ADAMTS14: variants seen among roughly 807,000 people sequenced by gnomAD.
The protein encoded by ADAMTS14 is ADAM metallopeptidase with thrombospondin type 1 motif 14, also known as A disintegrin and metalloproteinase with thrombospondin motifs 14.
In ADAMTS14, 100 loss-of-function variants were observed where a neutral mutation model predicts 128.6. The ratio of observed to expected loss-of-function variants is 0.78; its 90% CI spans 0.66 to 0.92. The LOEUF is 0.92. Among genes scored for constraint, ADAMTS14 ranks in the 40% least tolerant of loss-of-function variants. The pLI is 0.00. For missense variants in ADAMTS14, 1,562 were observed against 1,658.6 expected, an observed-to-expected ratio of 0.94 and a Z score of 1.01; for synonymous variants, 665 against 653.8, an observed-to-expected ratio of 1.02 and a Z score of -0.26.
intron 7 of ADAMTS14, among the ~76,000 whole-genome samples, chr10:70,733,582 G>A (rs1841716985): frequency 1.3e-5 from 2 of 152,256 alleles, no homozygotes; most frequent in Admixed American, 6.5e-5. Context: ...GTGGCCGAGT[G>A]GGGCTTGATC....
chr10:70,744,087 G>A lies in ADAMTS14; in HGVS notation c.2080G>A (p.Val694Met). The A allele has an allele frequency of 6.4e-7, 1 of 1,565,064 alleles. No individual in the cohort carries two copies. The highest frequency in any genetic ancestry group is 8.7e-7 in the Non-Finnish European group (1 of 1,154,890). ...TCAGCCTGTCGGCTGTGACAAGGAG[G>A]TGGGGTCCATGAAGGCGGATGACAA... is the stretch of plus-strand genomic sequence containing the variant. ...ECVPVGCDKE[V>M]GSMKADDKCG... Residue 694 changes from valine to methionine, a missense_variant, in exon 14 of 22, where the codon GTG (valine) becomes ATG (methionine). Transcript: ENST00000373207.
In ADAMTS14 at chr10:70,760,750, G is replaced by C; in HGVS notation, c.3569G>C (p.Gly1190Ala). The change falls in exon 22 of 22, where the codon GGC (glycine) becomes GCC (alanine). Residue 1190 changes from glycine (G) to alanine (A), a missense_variant. Physicochemically the swap from Gly to Ala is moderately conservative, Grantham distance 60 (BLOSUM62 0). Coordinates refer to ENST00000373207, the MANE Select transcript of ADAMTS14 (RefSeq NM_080722.4). The stretch of plus-strand genomic sequence containing the variant: ...ACCACCCCCGGGGGGCTGCCTTGGG[G>C]CTGGACTCAGACACCTACGCCAGTC... ...SPTTPGGLPW[G>A]WTQTPTPVPE... 6.2e-7 allele frequency: 1 copy of C among 1,613,918 alleles called. No individual in the cohort carries two copies.
At chr10:70,681,258 C>T (rs1423178713) in intron 2 of ADAMTS14, among the ~76,000 whole-genome samples, 1 of 152,132 alleles carries the variant, frequency 6.6e-6, no homozygotes, top group Non-Finnish European at 1.5e-5. Flanking sequence ...AGGAGGGGTG[C>T]TCAGGGAAGG....
intron 4 of ADAMTS14, among the ~76,000 whole-genome samples, chr10:70,727,834 G>A (rs1841493101): frequency 6.6e-6 from 1 of 152,142 alleles, no homozygotes; most frequent in Admixed American, 6.5e-5. Context: ...GGTGGCTCAC[G>A]CCTGTAATCC....
intron 15 of ADAMTS14, among the ~76,000 whole-genome samples, chr10:70,748,971 C>G (rs992801703): frequency 6.6e-6 from 1 of 152,196 alleles, no homozygotes; most frequent in Non-Finnish European, 1.5e-5. Flanking sequence ...ACCTGCCTCC[C>G]GGGGTCTTTT....
At chr10:70,755,964 C>T (rs149728410) in intron 19 of ADAMTS14, among the ~76,000 whole-genome samples, 191 of 152,270 alleles carry the variant, frequency 1.3e-3, no homozygotes, top group African/African-American at 4.3e-3. Context: ...AACATTAGGA[C>T]GTATCTCAAA....
chr10:70,734,147 C>T, intron 8 of ADAMTS14, 119 bp downstream of exon 8: 1 of 1,331,970 alleles, frequency 7.5e-7, no homozygotes, highest in South Asian at 1.4e-5. Context: ...TTCCGTGACT[C>T]ATCTCGCCTC....
At chr10:70,745,116 C>T (rs1842135812) in intron 14 of ADAMTS14, 110 bp from the exon 15 acceptor site, 3 of 960,940 alleles carry the variant, frequency 3.1e-6, no homozygotes, top group Non-Finnish European at 4.7e-6. Context: ...CAGAGAGGTT[C>T]TGTGATCAAA....
chr10:70,760,315 C>T (rs1199007795), intron 21 of ADAMTS14, 45 bp from the exon 22 acceptor site: 1 of 1,505,628 alleles, frequency 6.6e-7, no homozygotes, highest in Non-Finnish European at 8.8e-7. Flanking sequence ...GACTGACAGG[C>T]ATCCCCACGT....
intron 16 of ADAMTS14, among the ~76,000 whole-genome samples, chr10:70,751,086 C>CAT (rs1842334681): frequency 6.6e-6 from 1 of 152,166 alleles, no homozygotes; most frequent in Non-Finnish European, 1.5e-5. Flanking sequence ...ACTTGCAAGT[C>CAT]ATATATTTGA....
Position 70,730,236 on chromosome 10 carries a change from C to T in ADAMTS14, c.1089C>T (p.Asp363=). ...ACGTTGTGTTCCTCACCCGGCAGGA[C>T]TTTGGGCCCTCAGGTATGCAAGGTA... The part of the protein sequence containing the change: ...HDHVVFLTRQ[D]FGPSGYAPVT... The change falls in exon 6 of 22, where the codon GAC becomes GAT. Residue 363 remains aspartate, a synonymous_variant. Coordinates refer to ENST00000373207, the MANE Select transcript of ADAMTS14 (RefSeq NM_080722.4). The T allele has an allele frequency of 6.2e-7, 1 of 1,614,006 alleles. No homozygotes were observed. The highest frequency in any genetic ancestry group is 1.7e-4 in the Middle Eastern group (1 of 6,056).
intron 2 of ADAMTS14, among the ~76,000 whole-genome samples, chr10:70,677,158 C>T (rs1177831492): frequency 6.6e-6 from 1 of 152,170 alleles, no homozygotes; most frequent in African/African-American, 2.4e-5. Flanking sequence ...CCCTGAAGGA[C>T]CCTGAGCTAG....
chr10:70,751,528 C>T lies in ADAMTS14; in HGVS notation c.2478C>T (p.Tyr826=), dbSNP rs764735335. ...CCCGCAGCAGCCTGGCCTACAAGTA[C>T]GTCATCCATGAGGACCTGCTGCCCC... ...GGPRSSLAYK[Y]VIHEDLLPLI... Residue 826 remains tyrosine, a synonymous_variant, in exon 17 of 22, where the codon TAC becomes TAT. Transcript: ENST00000373207. The T allele has an allele frequency of 6.9e-5, 111 of 1,613,216 alleles. No homozygotes were observed. The highest frequency in any genetic ancestry group is 8.3e-5 in the Non-Finnish European group (98 of 1,179,384).
chr10:70,742,985 A>G (rs1243219704), intron 12 of ADAMTS14, among the ~76,000 whole-genome samples: 2 of 152,150 alleles, frequency 1.3e-5, no homozygotes, highest in Non-Finnish European at 2.9e-5. Flanking sequence ...ACATGTGCAC[A>G]GTGAAGTTTT....
At chr10:70,713,034 G>A (rs1840910200) in intron 4 of ADAMTS14, among the ~76,000 whole-genome samples, 2 of 152,194 alleles carry the variant, frequency 1.3e-5, no homozygotes, top group Admixed American at 1.3e-4. Context: ...CCAGGGCAGT[G>A]GCGGGGGTGA....
At chr10:70,702,632 G>A (rs1015786587) in intron 3 of ADAMTS14, among the ~76,000 whole-genome samples, 164 bp downstream of exon 3, 13 of 152,188 alleles carry the variant, frequency 8.5e-5, no homozygotes, top group Non-Finnish European at 1.3e-4. Flanking sequence ...ACCCCATTGC[G>A]TTCTAGAAGC....
chr10:70,743,962 C>A (rs1319927614), intron 13 of ADAMTS14, 104 bp from the exon 14 acceptor site: 2 of 1,431,110 alleles, frequency 1.4e-6, no homozygotes, highest in African/African-American at 1.4e-5. Context: ...ATCTCCCAGG[C>A]CAGAGGTCTT....
At chr10:70,672,937 C>A in intron 1 of ADAMTS14, 53 bp downstream of exon 1, 1 of 1,390,268 alleles carries the variant, frequency 7.2e-7, no homozygotes, top group South Asian at 1.6e-5. Context: ...TGCACGCGGT[C>A]AGGGTGGCCC....
At chr10:70,713,166 T>C (rs976769640) in intron 4 of ADAMTS14, among the ~76,000 whole-genome samples, 2 of 152,256 alleles carry the variant, frequency 1.3e-5, no homozygotes, top group Admixed American at 1.3e-4. Context: ...GCTTGGCTTC[T>C]TAACTCTTGG....
Sources: gnomAD v4.1 joint callset for allele counts (sites outside exome capture counted in the v4.1 genomes callset) on GRCh38, gnomAD v4.1.1 for gene constraint, MANE v1.5 for transcripts, NCBI Gene and HGNC (gene_info 2026-07-23, HGNC 2026-07-21) for gene names.